CEP85: variants seen among roughly 807,000 people sequenced by gnomAD.
The protein encoded by CEP85 is centrosomal protein 85, also known as centrosomal protein of 85 kDa.
In CEP85, 58 loss-of-function variants were observed where a neutral mutation model predicts 93.7. That is an observed-to-expected ratio of 0.62 (90% CI 0.50 to 0.77). The LOEUF (loss-of-function observed/expected upper bound fraction) is 0.77, where lower values mean the gene tolerates loss of function less well. Among genes scored for constraint, CEP85 ranks in the 30% least tolerant of loss-of-function variants. CEP85 has a pLI of 0.00. For missense variants in CEP85, 868 were observed against 922.0 expected, an observed-to-expected ratio of 0.94 and a Z score of 0.76; for synonymous variants, 314 against 338.6, an observed-to-expected ratio of 0.93 and a Z score of 0.80.
chr1:26,265,946 G>A (rs1027157821), intron 7 of CEP85, among the ~76,000 whole-genome samples: 3 of 152,030 alleles, frequency 2.0e-5, no homozygotes, highest in South Asian at 2.1e-4. Context: ...GGTGGCTCAC[G>A]CCTGTAATCC....
intron 3 of CEP85, among the ~76,000 whole-genome samples, chr1:26,251,771 A>G (rs773530154): frequency 2.6e-5 from 4 of 152,112 alleles, no homozygotes; most frequent in Non-Finnish European, 5.9e-5. Context: ...TGGTGAATCT[A>G]GAGAGAGTGG....
chr1:26,235,567 CTTTT>C (rs1192252673), intron 1 of CEP85, among the ~76,000 whole-genome samples: 2 of 95,588 alleles, frequency 2.1e-5, no homozygotes, highest in African/African-American at 4.4e-5. Context: ...GATTGTAATT[CTTTT>C]TTTTTTTTTT....
At chr1:26,254,514 G>T (rs573394229) in intron 3 of CEP85, 1 of 152,350 alleles carries the variant, frequency 6.6e-6, no homozygotes, top group East Asian at 1.9e-4. Context: ...GTACCCAATT[G>T]AGAGTGCTCA....
At chr1:26,262,697 G>A (rs765019979) in intron 7 of CEP85, among the ~76,000 whole-genome samples, 17 of 152,078 alleles carry the variant, frequency 1.1e-4, no homozygotes, top group Admixed American at 3.3e-4. Context: ...AAAATCAAAC[G>A]GCACCTGCAA....
At chr1:26,265,275 C>T (rs550054682) in intron 7 of CEP85, among the ~76,000 whole-genome samples, 1 of 152,116 alleles carries the variant, frequency 6.6e-6, no homozygotes, top group East Asian at 1.9e-4. Context: ...TGAGCCACTG[C>T]ACTGGCCTAA....
At position 26,255,395 on chromosome 1, in the gene CEP85, T is replaced by C; in HGVS notation, c.433T>C (p.Ser145Pro). 3.1e-6 allele frequency: 5 copies of C among 1,614,062 alleles called. No individual in the cohort carries two copies. Among genetic ancestry groups the C allele is most frequent in the Non-Finnish European group, 4.2e-6 (5 of 1,179,992 alleles). Residue 145 changes from serine (S) to proline (P), a missense_variant, in exon 4 of 14, where the codon TCT becomes CCT. Physicochemically the swap from Ser to Pro is moderately conservative, Grantham distance 74. Transcript: ENST00000451429. Reference protein sequence around the residue: ...LGAMKHSPGLSRDLMYFSGAT... With the variant: ...LGAMKHSPGLPRDLMYFSGAT... ...TGCAATGAAACATTCTCCAGGCCTA[T>C]CTAGAGATCTCATGTATTTCTCTGG...
Position 26,260,520 on chromosome 1 carries a change from A to T in CEP85, c.1341+718A>T, listed in dbSNP as rs188585526. Among the ~76,000 whole-genome samples the T allele has an allele frequency of 2.0e-3, 308 of 151,478 alleles. 2 individuals are homozygous for T. The highest frequency in any genetic ancestry group is 6.9e-3 in the African/African-American group (283 of 41,296). ...TCTCAGGAAAAAAAAAAAAAATTCC[A>T]TGTGCACAGCTAGTTTGGGTGTGTA... On this transcript the variant is annotated intron_variant, in intron 7 of 13. Transcript: ENST00000451429.
intron 12 of CEP85, 59 bp downstream of exon 12, chr1:26,275,130 G>T: frequency 7.7e-7 from 1 of 1,291,802 alleles, no homozygotes; most frequent in African/African-American, 1.5e-5. Flanking sequence ...TTCTTTGTTT[G>T]CCCTCCCCAT....
chr1:26,263,234 G>A, intron 7 of CEP85: 1 of 316,312 alleles, frequency 3.2e-6, no homozygotes, highest in Non-Finnish European at 6.1e-6. Context: ...CCTCTGCTGT[G>A]CTGTTGACGA....
rs1366191181 is a variant in CEP85, at chr1:26,277,821, C to A, written c.*528C>A. 1.3e-5 allele frequency: 2 copies of A among 154,034 alleles called. No homozygotes were observed. Among genetic ancestry groups the A allele is most frequent in the Non-Finnish European group, 2.9e-5 (2 of 68,970 alleles). 9.5% of individuals were successfully genotyped at this position (154,034 alleles called of 1,614,324 possible). ...TGGTCTTACTGCTTCTTCCTCAGGGCTCTTGTTCTCCCAGAAGCCTCAGGG... is the reference window on the plus strand; with the variant it reads ...TGGTCTTACTGCTTCTTCCTCAGGGATCTTGTTCTCCCAGAAGCCTCAGGG... On this transcript the variant is annotated 3_prime_UTR_variant, in exon 14 of 14. Coordinates refer to ENST00000451429, the MANE Select transcript of CEP85 (RefSeq NM_001319944.2).
intron 7 of CEP85, among the ~76,000 whole-genome samples, chr1:26,267,824 A>G (rs2089914761): frequency 6.6e-6 from 1 of 152,174 alleles, no homozygotes; most frequent in South Asian, 2.1e-4. Context: ...GGCTTAAAGC[A>G]GTTGATTTTT....
At chr1:26,272,637 T>C (rs1361562310) in intron 11 of CEP85, among the ~76,000 whole-genome samples, 1 of 141,508 alleles carries the variant, frequency 7.1e-6, no homozygotes, top group African/African-American at 2.7e-5. Flanking sequence ...TTTTTTTTTT[T>C]TTTTTTTGGA....
chr1:26,255,673 G>C lies in CEP85; in HGVS notation c.711G>C (p.Arg237=), dbSNP rs748406698. The part of the protein sequence containing the change: ...KAPGSGAVFE[R]NGPHSNSSGV... ...CGGGCAGCGGGGCAGTGTTTGAGCG[G>C]AATGGACCACATTCTAATAGCAGTG... is the stretch of plus-strand genomic sequence containing the variant. The change falls in exon 4 of 14, where the codon CGG becomes CGC. Residue 237 remains arginine, a synonymous_variant. Coordinates refer to ENST00000451429, the MANE Select transcript of CEP85 (RefSeq NM_001319944.2). 4.4e-5 allele frequency: 71 copies of C among 1,614,032 alleles called. No homozygotes were observed. The highest frequency in any genetic ancestry group is 5.8e-5 in the Non-Finnish European group (68 of 1,180,032).
intron 7 of CEP85, among the ~76,000 whole-genome samples, chr1:26,267,090 C>A (rs1557664912): frequency 6.6e-6 from 1 of 152,206 alleles, no homozygotes; most frequent in Non-Finnish European, 1.5e-5. Flanking sequence ...CAGTTCTCAG[C>A]AAAACTGTGT....
intron 3 of CEP85, among the ~76,000 whole-genome samples, chr1:26,245,395 G>A (rs1024596786): frequency 2.2e-4 from 33 of 152,002 alleles, no homozygotes; most frequent in African/African-American, 7.5e-4. Flanking sequence ...GCCCATGTAT[G>A]CGATGCCTGC....
At position 26,249,087 on chromosome 1, in the gene CEP85, G is replaced by A. The variant is rs139731823; in HGVS notation, c.208+4769G>A. On this transcript the variant is annotated intron_variant, in intron 3 of 13. Transcript: ENST00000451429. ...CATGATCCTAATCTTAACTCTTTTT[G>A]TGTGTTTGTTTTGAGACGGAGTCTC... 1.2e-3 allele frequency among the ~76,000 whole-genome samples: 177 copies of A among 150,692 alleles called. 3 individuals carry two copies. The highest frequency in any genetic ancestry group is 9.2e-3 in the Admixed American group (139 of 15,164).
chr1:26,256,956 T>TGTGTGTGTGTG (rs1557658491), intron 4 of CEP85, among the ~76,000 whole-genome samples: 14 of 149,586 alleles, frequency 9.4e-5, no homozygotes, highest in African/African-American at 1.2e-4. Context: ...TGTGTGTGTG[T>TGTGTGTGTGTG]TTTGGAGACA....
rs139456536 is a variant in CEP85, at chr1:26,267,254, C to G, written c.1342-1229C>G. On this transcript the variant is annotated intron_variant, in intron 7 of 13. Transcript: ENST00000451429. ...TAGGAAAGTGCTATACTTATTATTACAGTTTTATTATAAGGGATACAATTC... is the reference window on the plus strand; with the variant it reads ...TAGGAAAGTGCTATACTTATTATTAGAGTTTTATTATAAGGGATACAATTC... Among the ~76,000 whole-genome samples the G allele has an allele frequency of 3.8e-3, 584 of 152,310 alleles. 3 individuals are homozygous for G. The highest frequency in any genetic ancestry group is 0.012 in the African/African-American group (513 of 41,564).
intron 2 of CEP85, among the ~76,000 whole-genome samples, chr1:26,240,214 G>A (rs557047690): frequency 6.6e-6 from 1 of 152,300 alleles, no homozygotes; most frequent in South Asian, 2.1e-4. Flanking sequence ...CTGCTTGGAT[G>A]CCAACAGATT....
Sources: gnomAD v4.1 joint callset for allele counts (sites outside exome capture counted in the v4.1 genomes callset) on GRCh38, gnomAD v4.1.1 for gene constraint, MANE v1.5 for transcripts, NCBI Gene and HGNC (gene_info 2026-07-23, HGNC 2026-07-21) for gene names.